The following HIVEP1 variants were observed in gnomAD, a reference collection of about 807,000 sequenced individuals.
HIVEP1 encodes HIVEP zinc finger 1.
A neutral mutation model predicts 180.0 loss-of-function variants in HIVEP1; 36 were observed. The observed-to-expected ratio is 0.20, with a 90% CI of 0.15 to 0.26. The LOEUF (loss-of-function observed/expected upper bound fraction) is 0.26. Among genes scored for constraint, HIVEP1 ranks in the 10% least tolerant of loss-of-function variants. The pLI is 1.00. For missense variants in HIVEP1, 3,143 were observed against 3,268.7 expected, an observed-to-expected ratio of 0.96 and a Z score of 0.94; for synonymous variants, 1,239 against 1,239.0, an observed-to-expected ratio of 1.00 and a Z score of 0.00.
intron 7 of HIVEP1, among the ~76,000 whole-genome samples, chr6:12,137,608 C>G (rs911626634): frequency 3.7e-5 from 1 of 27,352 alleles, no homozygotes; most frequent in African/African-American, 1.8e-4. Context: ...GTAGTGTGCT[C>G]AAAGTTTTTT....
the HIVEP1 span, among the ~76,000 whole-genome samples, chr6:12,198,783 G>A: frequency 6.6e-6 from 1 of 152,168 alleles, no homozygotes; most frequent in African/African-American, 2.4e-5. Flanking sequence ...AACGCTTCTG[G>A]GGCAATCTGC....
At chr6:12,162,488 A>T (rs1419321331) in intron 8 of HIVEP1, among the ~76,000 whole-genome samples, 1 of 152,232 alleles carries the variant, frequency 6.6e-6, no homozygotes, top group East Asian at 1.9e-4. Flanking sequence ...CTGCCCAAGA[A>T]CTATCTCAAG....
At chr6:12,151,358 TG>T (rs1409166225) in intron 7 of HIVEP1, among the ~76,000 whole-genome samples, 2 of 152,344 alleles carry the variant, frequency 1.3e-5, no homozygotes, top group African/African-American at 4.8e-5. Context: ...TCCTTAGGTC[TG>T]TTCTAGAGTC....
chr6:12,024,879 C>T (rs1768475406), intron 2 of HIVEP1, among the ~76,000 whole-genome samples: 1 of 152,162 alleles, frequency 6.6e-6, no homozygotes, highest in Non-Finnish European at 1.5e-5. Context: ...AAGGATGGAC[C>T]TTGGAGGTCA....
the HIVEP1 span, among the ~76,000 whole-genome samples, chr6:12,175,546 C>T: frequency 6.6e-6 from 1 of 152,220 alleles, no homozygotes. Flanking sequence ...ACTTATGAAG[C>T]ACGTATCACA....
At position 12,101,068 on chromosome 6, in the gene HIVEP1, C is replaced by T. The variant is rs145712567; in HGVS notation, c.94+11831C>T. 2.0e-5 allele frequency among the ~76,000 whole-genome samples: 3 copies of T among 152,302 alleles called. No homozygotes were observed. The East Asian group carries it at 5.8e-4, about 29-fold the overall frequency. On this transcript the variant is annotated intron_variant, in intron 3 of 8. Coordinates refer to ENST00000379388, the MANE Select transcript of HIVEP1 (RefSeq NM_002114.4). ...CTTTTGTACAAACCATACTGTACAA[C>T]ATTAGAGCAAGTTATAAAAATAGAA...
chr6:12,060,474 C>T (rs1270741311), intron 2 of HIVEP1, among the ~76,000 whole-genome samples: 1 of 152,054 alleles, frequency 6.6e-6, no homozygotes. Context: ...TTTTTAAAAC[C>T]TTGACTTTTC....
At chr6:12,061,615 C>A (rs1339618560) in intron 2 of HIVEP1, among the ~76,000 whole-genome samples, 80 of 152,110 alleles carry the variant, frequency 5.3e-4, no homozygotes, top group African/African-American at 1.9e-3. Context: ...GAATTTTGAT[C>A]ATTGTTATAG....
chr6:12,162,016 A>T, intron 8 of HIVEP1, 87 bp downstream of exon 8: 1 of 1,251,062 alleles, frequency 8.0e-7, no homozygotes, highest in Non-Finnish European at 1.1e-6. Flanking sequence ...AAAATAATGC[A>T]CTTAAGTGAT....
At chr6:12,092,953 G>T (rs147615500) in intron 3 of HIVEP1, among the ~76,000 whole-genome samples, 280 of 152,284 alleles carry the variant, frequency 1.8e-3, no homozygotes, top group Non-Finnish European at 2.7e-3. Context: ...CTAGCCACCT[G>T]CCTTGTTCAG....
At chr6:12,046,897 G>A (rs1770172066) in intron 2 of HIVEP1, among the ~76,000 whole-genome samples, 1 of 142,326 alleles carries the variant, frequency 7.0e-6, no homozygotes, top group Admixed American at 7.0e-5. Flanking sequence ...GTCTCGCTCT[G>A]TAGCACAGGC....
chr6:12,182,513 T>C, the HIVEP1 span, among the ~76,000 whole-genome samples: 1 of 152,146 alleles, frequency 6.6e-6, no homozygotes, highest in African/African-American at 2.4e-5. Context: ...TGATATGAAA[T>C]CAGGTTTCAT....
At chr6:12,020,890 C>CTTTTTTTTTTTTTTTTTTTTT in intron 2 of HIVEP1, among the ~76,000 whole-genome samples, 1 of 105,778 alleles carries the variant, frequency 9.5e-6, no homozygotes, top group Non-Finnish European at 1.8e-5. Flanking sequence ...TTCTTTCTTT[C>CTTTTTTTTTTTTTTTTTTTTT]TTTTTTTTTT....
At chr6:12,211,028 A>T in the HIVEP1 span, among the ~76,000 whole-genome samples, 13 of 152,032 alleles carry the variant, frequency 8.6e-5, no homozygotes, top group South Asian at 2.7e-3. Context: ...GAAGATTACT[A>T]ATGGAAAATC....
At chr6:12,169,688 G>T (rs1183486292), downstream of HIVEP1, among the ~76,000 whole-genome samples, 1 of 152,182 alleles carries the variant, frequency 6.6e-6, no homozygotes, top group Non-Finnish European at 1.5e-5. Context: ...TTTGAAGGAG[G>T]TATGGGATTT....
In HIVEP1 at chr6:12,035,993, C is replaced by T. The variant is rs970540277; in HGVS notation, c.40+20325C>T. Among the ~76,000 whole-genome samples the T allele has an allele frequency of 2.6e-5, 4 of 152,116 alleles. No homozygotes were observed. In the South Asian group the frequency reaches 6.2e-4, roughly 24 times the overall value. On this transcript the variant is annotated intron_variant, in intron 2 of 8. Transcript: ENST00000379388. ...TAAAGTATTATATGGAAACATCGTT[C>T]TCTGTAATAAGAAAAAATGGAAACA... is the stretch of plus-strand genomic sequence containing the variant.
At chr6:12,145,120 C>T (rs1440341679) in intron 7 of HIVEP1, among the ~76,000 whole-genome samples, 1 of 152,168 alleles carries the variant, frequency 6.6e-6, no homozygotes, top group Non-Finnish European at 1.5e-5. Flanking sequence ...GGAACCAACC[C>T]AGATGTCCAT....
chr6:12,143,014 A>C (rs899065998), intron 7 of HIVEP1, among the ~76,000 whole-genome samples: 1 of 152,212 alleles, frequency 6.6e-6, no homozygotes, highest in East Asian at 1.9e-4. Flanking sequence ...AAAAGAGGGA[A>C]TCCTCCCTAA....
intron 7 of HIVEP1, among the ~76,000 whole-genome samples, chr6:12,152,649 C>T (rs1759772235): frequency 6.6e-6 from 1 of 152,190 alleles, no homozygotes; most frequent in African/African-American, 2.4e-5. Context: ...TAAACTTTGA[C>T]AGTGGTCTCC....
Sources: allele counts gnomAD v4.1 joint callset (sites outside exome capture counted in the v4.1 genomes callset), GRCh38; gene constraint gnomAD v4.1.1; transcripts MANE v1.5; gene names NCBI Gene and HGNC (gene_info 2026-07-23, HGNC 2026-07-21).